VEGFA: variants seen among roughly 807,000 people sequenced by gnomAD.
VEGFA encodes vascular endothelial growth factor A.
VEGFA carries 20 observed loss-of-function variants against 49.7 expected under a neutral mutation model. That is an observed-to-expected ratio of 0.40 (90% CI 0.28 to 0.58). The LOEUF is 0.58. Among genes scored for constraint, VEGFA ranks in the 20% least tolerant of loss-of-function variants. The pLI is 0.40. For synonymous variants in VEGFA, 219 were observed against 223.4 expected (o/e 0.98, Z 0.18); for missense variants, 505 against 553.5 (o/e 0.91, Z 0.88).
In VEGFA at chr6:43,770,717, G is replaced by T; in HGVS notation, c.11G>T (p.Arg4Ile). The change falls in exon 1 of 8, where the codon AGA becomes ATA. Residue 4 changes from arginine to isoleucine, a missense_variant. This residue lies in a region of VEGFA where 340 missense variants were observed against 321.8 expected (regional missense o/e 1.06). Coordinates refer to ENST00000672860, the MANE Select transcript of VEGFA (RefSeq NM_003376.6). ...AGCTGACCAGTCGCGCTGACGGACA[G>T]ACAGACAGACACCGCCCCCAGCCCC... is the stretch of plus-strand genomic sequence containing the variant. 6.5e-7 allele frequency: 1 copy of T among 1,548,308 alleles called. No homozygotes were observed. The highest frequency in any genetic ancestry group is 8.6e-7 in the Non-Finnish European group (1 of 1,159,182).
rs1226645483 is a variant in VEGFA, at chr6:43,773,886, G to C, written c.607-455G>C. ...GCTCACCCTGGTATTTGTCATGTCAGCAGGAGAAGGTCACCATGTTGTTTT... is the reference window on the plus strand; with the variant it reads ...GCTCACCCTGGTATTTGTCATGTCACCAGGAGAAGGTCACCATGTTGTTTT... On this transcript the variant is annotated intron_variant, in intron 1 of 7. Transcript: ENST00000672860. The surrounding 1 kb of genome is among the most constrained non-coding windows in gnomAD (Gnocchi z 5.6). 4 of 206,914 alleles carry C rather than the reference G, an allele frequency of 1.9e-5. No individual in the cohort carries two copies. Among genetic ancestry groups the C allele is most frequent in the Non-Finnish European group, 4.1e-5 (4 of 97,760 alleles). 12.8% of individuals were successfully genotyped at this position (206,914 alleles called of 1,614,324 possible).
chr6:43,774,355 A>G lies in VEGFA; in HGVS notation c.621A>G (p.Ala207=), dbSNP rs1320174180. ...TCTGTCCTCAGTGGTCCCAGGCTGC[A>G]CCCATGGCAGAAGGAGGAGGGCAGA... Residue 207 remains alanine, a synonymous_variant, in exon 2 of 8, where the codon GCA becomes GCG. Coordinates refer to ENST00000672860, the MANE Select transcript of VEGFA (RefSeq NM_003376.6). The G allele has an allele frequency of 6.2e-7, 1 of 1,614,090 alleles. No homozygotes were observed. Among genetic ancestry groups the G allele is most frequent in the East Asian group, 2.2e-5 (1 of 44,866 alleles).
chr6:43,770,561 G>A lies in VEGFA; in HGVS notation c.-146G>A. Reference sequence around the variant, plus strand: ...AGCAAGAGCTCCAGAGAGAAGTCGAGGAAGAGAGAGACGGGGTCAGAGAGA... The same window carrying A: ...AGCAAGAGCTCCAGAGAGAAGTCGAAGAAGAGAGAGACGGGGTCAGAGAGA... On this transcript the variant is annotated 5_prime_UTR_variant, in exon 1 of 8. Coordinates refer to ENST00000672860, the MANE Select transcript of VEGFA (RefSeq NM_003376.6). 7.4e-7 allele frequency: 1 copy of A among 1,345,108 alleles called. No individual in the cohort carries two copies. The highest frequency in any genetic ancestry group is 1.5e-5 in the African/African-American group (1 of 65,384). The allele number at this position is 1,345,108 out of a possible 1,614,324, so 83.3% of individuals were successfully genotyped here. A position where few individuals can be genotyped will look rare whatever the true frequency, so the allele number is the denominator to read the frequency against.
intron 1 of VEGFA, chr6:43,774,023 G>C (rs1404325398): frequency 4.2e-6 from 2 of 473,864 alleles, no homozygotes; most frequent in Non-Finnish European, 7.8e-6. Context: ...AGAGCAGGGA[G>C]AGGGAAGTGT....
chr6:43,772,001 G>A, intron 1 of VEGFA: 1 of 985,300 alleles, frequency 1.0e-6, no homozygotes, highest in South Asian at 4.7e-5. Flanking sequence ...GGCCTGGCCG[G>A]CCGCGTGTTC....
Position 43,785,216 on chromosome 6 carries a change from GT to G in VEGFA, c.*658del. ...AGGGCATGGGGGCAAATATGACCCA[GT>G]TTTGGGAACACCGACAAACCCAGCC... On this transcript the variant is annotated 3_prime_UTR_variant, in exon 8 of 8. Coordinates refer to ENST00000672860, the MANE Select transcript of VEGFA (RefSeq NM_003376.6). The G allele has an allele frequency of 5.1e-6, 1 of 194,778 alleles. No homozygotes were observed. The highest frequency in any genetic ancestry group is 1.1e-5 in the Non-Finnish European group (1 of 93,286). 12.1% of individuals were successfully genotyped at this position (194,778 alleles called of 1,614,324 possible).
At chr6:43,778,723 C>A in intron 4 of VEGFA, 166 bp from the exon 5 acceptor site, 1 of 975,518 alleles carries the variant, frequency 1.0e-6, no homozygotes, top group African/African-American at 1.6e-5. Flanking sequence ...TACTTCATAG[C>A]ATTGTTATAA....
chr6:43,771,436 C>A, intron 1 of VEGFA, 124 bp downstream of exon 1: 3 of 994,168 alleles, frequency 3.0e-6, no homozygotes, highest in Non-Finnish European at 4.2e-6. Flanking sequence ...ACCAGGCGTG[C>A]GGCGTCCCCC....
rs1764667479 is a variant in VEGFA at position 43,774,538 on chromosome 6, G to A, written c.658+146G>A. On this transcript the variant is annotated intron_variant, in intron 2 of 7. Coordinates refer to ENST00000672860, the MANE Select transcript of VEGFA (RefSeq NM_003376.6). ...CAAGAAAGAAAGAGCTGGGCACCAC[G>A]AGGTTCACCCTCAGTTTCGTGAGGA... is the stretch of plus-strand genomic sequence containing the variant. The A allele has an allele frequency of 1.7e-5, 16 of 963,554 alleles. 1 individual carries two copies. The highest frequency in any genetic ancestry group is 2.4e-4 in the Middle Eastern group (1 of 4,252). The allele number at this position is 963,554 out of a possible 1,614,324, so 59.7% of individuals were successfully genotyped here. A position where few individuals can be genotyped will look rare whatever the true frequency, so the allele number is the denominator to read the frequency against.
At position 43,786,167 on chromosome 6, in the gene VEGFA, G is replaced by A. The variant is rs1769418449; in HGVS notation, c.*1605G>A. ...TGTATATATATATATATATGTTTAT[G>A]TATATATGTGATTCTGATAAAATAG... is the stretch of plus-strand genomic sequence containing the variant. On this transcript the variant is annotated 3_prime_UTR_variant, in exon 8 of 8. Coordinates refer to ENST00000672860, the MANE Select transcript of VEGFA (RefSeq NM_003376.6). 5.6e-6 allele frequency: 1 copy of A among 177,264 alleles called. No individual in the cohort carries two copies. The highest frequency in any genetic ancestry group is 6.3e-5 in the Admixed American group (1 of 15,804). The allele number at this position is 177,264 out of a possible 1,614,324, so 11.0% of individuals were successfully genotyped here. A position where few individuals can be genotyped will look rare whatever the true frequency, so the allele number is the denominator to read the frequency against.
chr6:43,777,268 GA>G lies in VEGFA; in HGVS notation c.659-197del. The G allele has an allele frequency of 3.0e-6, 2 of 661,412 alleles. No homozygotes were observed. Among genetic ancestry groups the G allele is most frequent in the Non-Finnish European group, 5.5e-6 (2 of 365,720 alleles). 41.0% of individuals were successfully genotyped at this position (661,412 alleles called of 1,614,324 possible). A position where few individuals can be genotyped will look rare whatever the true frequency, so the allele number is the denominator to read the frequency against. On this transcript the variant is annotated intron_variant, in intron 2 of 7. Coordinates refer to ENST00000672860, the MANE Select transcript of VEGFA (RefSeq NM_003376.6). The surrounding 1 kb of genome is among the most constrained non-coding windows in gnomAD (Gnocchi z 4.3). Reference sequence around the variant, plus strand: ...GAGTACATCGTGTGATCTCTGGAATGAAAACAGGCCTTCACCAGTGTTGATG... The same window carrying G: ...GAGTACATCGTGTGATCTCTGGAATGAAACAGGCCTTCACCAGTGTTGATG...
intron 2 of VEGFA, 80 bp downstream of exon 2, chr6:43,774,472 ACTGT>A: frequency 6.6e-7 from 1 of 1,524,200 alleles, no homozygotes; most frequent in Non-Finnish European, 9.1e-7. Flanking sequence ...TTTCTTCAGA[ACTGT>A]GGGGAGGAAG....
chr6:43,778,977 G>A, intron 5 of VEGFA, 59 bp downstream of exon 5: 1 of 1,609,652 alleles, frequency 6.2e-7, no homozygotes, highest in Non-Finnish European at 8.5e-7. Flanking sequence ...TTGGTTTGGG[G>A]CTCTTGGCTA....
chr6:43,771,921 G>A (rs1156370300), intron 1 of VEGFA: 2 of 713,568 alleles, frequency 2.8e-6, no homozygotes, highest in Admixed American at 1.3e-4. Context: ...CCCCGCTCGC[G>A]TCCCGCTCGG....
chr6:43,786,064 C>T lies in VEGFA; in HGVS notation c.*1502C>T. 1 of 182,074 alleles carries T rather than the reference C, an allele frequency of 5.5e-6. No homozygotes were observed. The highest frequency in any genetic ancestry group is 9.2e-5 in the East Asian group (1 of 10,870). 11.3% of individuals were successfully genotyped at this position (182,074 alleles called of 1,614,324 possible). ...TCTGCCCTCCCCGATCCCCTGGCTC[C>T]CCAGCACACATTCCTTTGAAATAAG... On this transcript the variant is annotated 3_prime_UTR_variant, in exon 8 of 8. Transcript: ENST00000672860.
At chr6:43,782,166 G>A (rs1026102450) in intron 7 of VEGFA, 79 bp downstream of exon 7, 23 of 1,580,424 alleles carry the variant, frequency 1.5e-5, no homozygotes, top group African/African-American at 9.4e-5. Context: ...GAGAGTGAGC[G>A]AGCGAGCGAG....
intron 5 of VEGFA, chr6:43,779,862 G>T: frequency 2.6e-6 from 1 of 380,104 alleles, no homozygotes; most frequent in South Asian, 1.9e-5. Flanking sequence ...GAGAGCTCTG[G>T]TTCTCTTGAA....
chr6:43,781,841 A>C, intron 6 of VEGFA, 115 bp from the exon 7 acceptor site: 2 of 1,412,172 alleles, frequency 1.4e-6, no homozygotes, highest in Non-Finnish European at 1.9e-6. Context: ...CTGGGGGCTG[A>C]CCGGCTGGGT....
intron 1 of VEGFA, chr6:43,774,075 T>C: frequency 1.8e-6 from 1 of 562,140 alleles, no homozygotes; most frequent in Non-Finnish European, 3.2e-6. Context: ...CATTCTGGGG[T>C]TTTCCTCCTG....
Sources: allele counts gnomAD v4.1 joint callset, GRCh38; gene constraint gnomAD v4.1.1; regional missense constraint gnomAD v4.1.1; non-coding constraint Gnocchi (gnomAD v3.1); transcripts MANE v1.5; gene names NCBI Gene and HGNC (gene_info 2026-07-23, HGNC 2026-07-21).